The following PADI4 variants were observed in gnomAD, a reference collection of about 807,000 sequenced individuals.
The protein encoded by PADI4 is protein-arginine deiminase type-4.
PADI4 carries 62 observed loss-of-function variants against 75.0 expected under a neutral mutation model. The observed-to-expected ratio is 0.83, with a 90% confidence interval of 0.67 to 1.02. PADI4 has a LOEUF of 1.02. Ranked by LOEUF, PADI4 falls within the 50% of genes least tolerant of loss-of-function variation. PADI4 has a pLI of 0.00. For synonymous variants in PADI4, 361 were observed against 348.1 expected, an observed-to-expected ratio of 1.04 and a Z score of -0.41; for missense variants, 845 against 850.5, an observed-to-expected ratio of 0.99 and a Z score of 0.08.
intron 4 of PADI4, among the ~76,000 whole-genome samples, chr1:17,337,615 C>T (rs927144228): frequency 6.6e-6 from 1 of 151,910 alleles, no homozygotes; most frequent in Non-Finnish European, 1.5e-5. Flanking sequence ...GTAAACTGCA[C>T]TGGGTTAAAG....
At chr1:17,343,266 C>T (rs2074455814) in intron 8 of PADI4, among the ~76,000 whole-genome samples, 1 of 152,196 alleles carries the variant, frequency 6.6e-6, no homozygotes, top group Non-Finnish European at 1.5e-5. Context: ...ACCTTTCTGG[C>T]TGCCTGTGAG....
At chr1:17,327,554 T>G (rs1013915656) in intron 1 of PADI4, among the ~76,000 whole-genome samples, 2 of 151,860 alleles carry the variant, frequency 1.3e-5, no homozygotes, top group African/African-American at 4.8e-5. Context: ...TACTTTTTTT[T>G]TTTTTGAGAT....
chr1:17,315,513 G>C (rs1466828711), intron 1 of PADI4, among the ~76,000 whole-genome samples: 3 of 152,058 alleles, frequency 2.0e-5, no homozygotes. Flanking sequence ...GATATGGAGA[G>C]AAAGAGAACA....
At position 17,336,232 on chromosome 1, in the gene PADI4, A is replaced by G. The variant is rs2100719658; in HGVS notation, c.408+6A>G. On this transcript the variant is annotated splice_donor_region_variant and intron_variant, in intron 4 of 15. Coordinates refer to ENST00000375448, the MANE Select transcript of PADI4 (RefSeq NM_012387.3). ...CCAGAGCTGTGAAAGATCAGGTACCACTCACCCAAACGCTCCTTTCCTACT... is the reference window on the plus strand; with the variant it reads ...CCAGAGCTGTGAAAGATCAGGTACCGCTCACCCAAACGCTCCTTTCCTACT... The G allele has an allele frequency of 6.2e-7, 1 of 1,611,226 alleles. No individual in the cohort carries two copies. The highest frequency in any genetic ancestry group is 8.5e-7 in the Non-Finnish European group (1 of 1,177,526).
Position 17,363,546 on chromosome 1 carries a change from C to G in PADI4, c.1783C>G (p.His595Asp), listed in dbSNP as rs2074876777. The change falls in exon 16 of 16, where the codon CAC becomes GAC. Residue 595 changes from histidine (H) to aspartate (D), a missense_variant. Coordinates refer to ENST00000375448, the MANE Select transcript of PADI4 (RefSeq NM_012387.3). The part of the protein sequence containing the change: ...NMVNMLVLGK[H>D]LGIPKPFGPV... ...GGTGAACATGCTGGTGCTAGGGAAGCACCTGGGCATCCCCAAGCCCTTCGG... is the reference window on the plus strand; with the variant it reads ...GGTGAACATGCTGGTGCTAGGGAAGGACCTGGGCATCCCCAAGCCCTTCGG... 1 of 1,613,500 alleles carries G rather than the reference C, an allele frequency of 6.2e-7. No homozygotes were observed. Among genetic ancestry groups the G allele is most frequent in the African/African-American group, 1.3e-5 (1 of 74,930 alleles).
Position 17,354,573 on chromosome 1 carries a change from G to A in PADI4, c.1196G>A (p.Gly399Glu), listed in dbSNP as rs2074726964. The A allele has an allele frequency of 6.2e-7, 1 of 1,614,164 alleles. No homozygotes were observed. Among genetic ancestry groups the A allele is most frequent in the African/African-American group, 1.3e-5 (1 of 75,050 alleles). Residue 399 changes from glycine to glutamate, a missense_variant, in exon 11 of 16, where the codon GGG (glycine) becomes GAG (glutamate). Physicochemically the swap from Gly to Glu is moderately conservative, Grantham distance 98. Coordinates refer to ENST00000375448, the MANE Select transcript of PADI4 (RefSeq NM_012387.3). ...FGYVTRGPQTGGISGLDSFGN... is the reference protein window; with the variant it reads ...FGYVTRGPQTEGISGLDSFGN... ...TATGTAACTCGAGGGCCCCAAACAG[G>A]GGGTATCAGTGGACTGGACTCCTTT...
chr1:17,312,327 G>A (rs1339978669), intron 1 of PADI4, among the ~76,000 whole-genome samples: 1 of 152,086 alleles, frequency 6.6e-6, no homozygotes, highest in African/African-American at 2.4e-5. Context: ...GGGCGTGGTG[G>A]CAGACGCTTG....
chr1:17,336,730 C>A (rs911577213), intron 4 of PADI4, among the ~76,000 whole-genome samples: 5 of 152,194 alleles, frequency 3.3e-5, no homozygotes, highest in Non-Finnish European at 5.9e-5. Flanking sequence ...CCAGAGTCTG[C>A]AGGTAAACCT....
intron 1 of PADI4, among the ~76,000 whole-genome samples, chr1:17,325,635 T>C (rs2074105404): frequency 6.6e-6 from 1 of 152,126 alleles, no homozygotes; most frequent in African/African-American, 2.4e-5. Flanking sequence ...CTTTATGTCT[T>C]TTTTTCTCTT....
At chr1:17,321,756 C>A (rs1480051456) in intron 1 of PADI4, among the ~76,000 whole-genome samples, 1 of 152,212 alleles carries the variant, frequency 6.6e-6, no homozygotes, top group Non-Finnish European at 1.5e-5. Flanking sequence ...ATGAAAATGA[C>A]CAAGATGAGT....
intron 4 of PADI4, 29 bp downstream of exon 4, chr1:17,336,255 A>C: frequency 6.3e-7 from 1 of 1,589,174 alleles, no homozygotes; most frequent in Non-Finnish European, 8.6e-7. Flanking sequence ...CTCCTTTCCT[A>C]CTTCTACTGG....
At chr1:17,308,749 C>A (rs925168601) in intron 1 of PADI4, among the ~76,000 whole-genome samples, 5 of 131,020 alleles carry the variant, frequency 3.8e-5, no homozygotes, top group Non-Finnish European at 6.5e-5. Flanking sequence ...TGCATAATAG[C>A]GTGGGTGGGG....
chr1:17,339,823 C>T lies in PADI4; in HGVS notation c.652+10C>T, dbSNP rs779836171. The T allele has an allele frequency of 3.1e-6, 5 of 1,593,358 alleles. No individual in the cohort carries two copies. The African/African-American group carries it at 4.0e-5, about 13-fold the overall frequency. On this transcript the variant is annotated intron_variant, in intron 6 of 15. Coordinates refer to ENST00000375448, the MANE Select transcript of PADI4 (RefSeq NM_012387.3). The stretch of plus-strand genomic sequence containing the variant: ...GTGTTTCAGGCCACACGTAAGTCAT[C>T]CCCATCTTTGTTCCCCTCCTGCCCT...
At chr1:17,354,890 T>C (rs568525487) in intron 11 of PADI4, among the ~76,000 whole-genome samples, 1 of 152,302 alleles carries the variant, frequency 6.6e-6, no homozygotes, top group East Asian at 1.9e-4. Context: ...GCCCTGCCAC[T>C]TACCCTCTTT....
intron 8 of PADI4, among the ~76,000 whole-genome samples, chr1:17,344,636 A>G (rs1217205309): frequency 6.6e-6 from 1 of 152,182 alleles, no homozygotes; most frequent in Non-Finnish European, 1.5e-5. Flanking sequence ...CATGGCTAAA[A>G]GGGGCCAGTG....
At position 17,347,974 on chromosome 1, in the gene PADI4, C is replaced by T. The variant is rs749082163; in HGVS notation, c.1081C>T (p.His361Tyr). ...GGAGATCGGCTACATCCAAGCCCCA[C>T]ACAAAACGCTGCCCGTGGTCTTCGA... The part of the protein sequence containing the change: ...EMEIGYIQAP[H>Y]KTLPVVFDSP... Residue 361 changes from histidine to tyrosine, a missense_variant, in exon 10 of 16, where the codon CAC becomes TAC. His to Tyr is a moderately conservative substitution (Grantham distance 83). Transcript: ENST00000375448. 2 of 1,604,540 alleles carry T rather than the reference C, an allele frequency of 1.2e-6. No individual in the cohort carries two copies. Among genetic ancestry groups the T allele is most frequent in the South Asian group, 1.1e-5 (1 of 89,790 alleles).
chr1:17,316,415 C>T (rs1439581494), intron 1 of PADI4, among the ~76,000 whole-genome samples: 2 of 145,042 alleles, frequency 1.4e-5, no homozygotes, highest in South Asian at 2.2e-4. Context: ...AATAGCCAGG[C>T]GCGGTGGCTC....
intron 10 of PADI4, 140 bp downstream of exon 10, chr1:17,348,188 A>G (rs1224668792): frequency 1.8e-6 from 1 of 547,492 alleles, no homozygotes; most frequent in East Asian, 3.0e-5. Context: ...CCAAAGTGGG[A>G]GCATGTAGGT....
intron 1 of PADI4, among the ~76,000 whole-genome samples, chr1:17,309,328 G>A (rs1323447415): frequency 1.3e-5 from 2 of 152,100 alleles, no homozygotes; most frequent in East Asian, 3.8e-4. Flanking sequence ...AACTCAAGCT[G>A]TAAAAATTTT....
Sources: gnomAD v4.1 joint callset for allele counts (sites outside exome capture counted in the v4.1 genomes callset) on GRCh38, gnomAD v4.1.1 for gene constraint, MANE v1.5 for transcripts, NCBI Gene and HGNC (gene_info 2026-07-23, HGNC 2026-07-21) for gene names.